NTSR1: variants seen among roughly 807,000 people sequenced by gnomAD.
The protein encoded by NTSR1 is neurotensin receptor type 1.
A neutral mutation model predicts 31.2 loss-of-function variants in NTSR1; 29 were observed. The ratio of observed to expected loss-of-function variants is 0.93; its 90% confidence interval spans 0.69 to 1.27. The LOEUF (loss-of-function observed/expected upper bound fraction) is 1.27. NTSR1 is among the 50% of genes most tolerant of loss of function. The pLI is 0.00. For missense variants in NTSR1, 697 were observed against 595.4 expected, an observed-to-expected ratio of 1.17 and a Z score of -1.78; for synonymous variants, 282 against 269.9, an observed-to-expected ratio of 1.04 and a Z score of -0.44.
chr20:62,716,390 C>T (rs142671672), intron 1 of NTSR1, among the ~76,000 whole-genome samples: 10 of 152,212 alleles, frequency 6.6e-5, no homozygotes, highest in East Asian at 1.9e-4. Flanking sequence ...AACGCTGAGC[C>T]GTTGGGACAG....
In NTSR1 at chr20:62,709,342, CG is replaced by C; in HGVS notation, c.136del (p.Val46SerfsTer11). On this transcript the variant is annotated frameshift_variant, in exon 1 of 4. Coordinates refer to ENST00000370501, the MANE Select transcript of NTSR1 (RefSeq NM_002531.3). LOFTEE classifies it high-confidence loss of function. Reference protein sequence around the residue: ...GNASGNASERVLAAPSSELDV... With the variant: ...GNASGNASERXLAAPSSELDV... Reference sequence around the variant, plus strand: ...ACGCTTCGGGCAACGCGTCGGAGCGCGTCCTGGCGGCACCCAGCAGCGAGCT... The same window carrying C: ...ACGCTTCGGGCAACGCGTCGGAGCGCTCCTGGCGGCACCCAGCAGCGAGCT... 6.2e-7 allele frequency: 1 copy of C among 1,609,708 alleles called. No individual in the cohort carries two copies. Among genetic ancestry groups the C allele is most frequent in the South Asian group, 1.1e-5 (1 of 90,866 alleles).
chr20:62,753,740 C>A (rs1989432281), intron 1 of NTSR1, among the ~76,000 whole-genome samples: 1 of 152,226 alleles, frequency 6.6e-6, no homozygotes, highest in South Asian at 2.1e-4. Flanking sequence ...TATTCCACTG[C>A]CCCAGGGAGG....
At chr20:62,730,211 A>G (rs943359735) in intron 1 of NTSR1, among the ~76,000 whole-genome samples, 5 of 152,106 alleles carry the variant, frequency 3.3e-5, no homozygotes, top group Non-Finnish European at 7.4e-5. Context: ...GATCCTGCAG[A>G]AGAGTTTCAT....
rs1988549553 is a variant in NTSR1, at chr20:62,709,435, G to A, written c.228G>A (p.Val76=). 2.5e-6 allele frequency: 4 copies of A among 1,612,180 alleles called. No homozygotes were observed. Among genetic ancestry groups the A allele is most frequent in the African/African-American group, 1.3e-5 (1 of 74,926 alleles). The change falls in exon 1 of 4, where the codon GTG becomes GTA. Residue 76 remains valine, a synonymous_variant. Coordinates refer to ENST00000370501, the MANE Select transcript of NTSR1 (RefSeq NM_002531.3). ...VTAVYLALFV[V]GTVGNTVTAF... is the part of the protein sequence containing the mutation. ...CCGTGTACCTGGCGCTCTTCGTGGT[G>A]GGCACGGTGGGCAACACGGTGACGG...
rs936506083 is a variant in NTSR1, at chr20:62,745,624, G to C, written c.715-9061G>C. On this transcript the variant is annotated intron_variant, in intron 1 of 3. Coordinates refer to ENST00000370501, the MANE Select transcript of NTSR1 (RefSeq NM_002531.3). This position sits in a 1 kb window ranked among gnomAD's most constrained non-coding sequence, Gnocchi z 4.1. ...GGAGACAGAGACACAGAAAAACACA[G>C]AGAAAAACACAGAGACATCACAGGA... Among the ~76,000 whole-genome samples, 5 of 124,450 alleles carry C rather than the reference G, an allele frequency of 4.0e-5. No homozygotes were observed. Among genetic ancestry groups the C allele is most frequent in the South Asian group, 4.6e-4 (2 of 4,344 alleles). The allele number at this position is 124,450 out of a possible 152,430, so 81.6% of individuals were successfully genotyped here.
intron 1 of NTSR1, among the ~76,000 whole-genome samples, chr20:62,727,345 G>A (rs552136000): frequency 1.3e-5 from 2 of 152,326 alleles, no homozygotes; most frequent in African/African-American, 2.4e-5. Flanking sequence ...GAAGTGGGGG[G>A]TCCCAGCAAG....
At chr20:62,756,417 G>C (rs1383459959) in intron 2 of NTSR1, among the ~76,000 whole-genome samples, 1 of 152,258 alleles carries the variant, frequency 6.6e-6, no homozygotes, top group Non-Finnish European at 1.5e-5. Context: ...GAACTGGAGA[G>C]AATGAAGCCC....
intron 2 of NTSR1, among the ~76,000 whole-genome samples, chr20:62,756,337 G>C (rs1253418482): frequency 6.6e-6 from 1 of 152,238 alleles, no homozygotes; most frequent in Admixed American, 6.5e-5. Context: ...GGTGGGAGGT[G>C]CTTGGCAAGA....
At chr20:62,750,778 G>A (rs1204097832) in intron 1 of NTSR1, among the ~76,000 whole-genome samples, 1 of 152,006 alleles carries the variant, frequency 6.6e-6, no homozygotes, top group Non-Finnish European at 1.5e-5. Flanking sequence ...CATAATCAAC[G>A]GGGGTAACTG....
chr20:62,743,685 A>C lies in NTSR1; in HGVS notation c.715-11000A>C, dbSNP rs528631326. On this transcript the variant is annotated intron_variant, in intron 1 of 3. Coordinates refer to ENST00000370501, the MANE Select transcript of NTSR1 (RefSeq NM_002531.3). The surrounding 1 kb of genome is among the most constrained non-coding windows in gnomAD (Gnocchi z 7.5). ...AGGGTTTTGCACCTTCCCACTCAGC[A>C]CAGGCTGGCTGCGGAGCCGGGAAGC... Among the ~76,000 whole-genome samples the C allele has an allele frequency of 2.6e-5, 4 of 151,690 alleles. No individual in the cohort carries two copies. Among genetic ancestry groups the C allele is most frequent in the African/African-American group, 9.7e-5 (4 of 41,428 alleles).
rs1568707667 is a variant in NTSR1 at position 62,745,390 on chromosome 20, GAGAT to G, written c.715-9291_715-9288del. On this transcript the variant is annotated intron_variant, in intron 1 of 3. Coordinates refer to ENST00000370501, the MANE Select transcript of NTSR1 (RefSeq NM_002531.3). This position sits in a 1 kb window ranked among gnomAD's most constrained non-coding sequence, Gnocchi z 4.1. The stretch of plus-strand genomic sequence containing the variant: ...ATAGAGACAGAGACACAGAGATATA[GAGAT>G]AGAGACACAGACTCAGGAAAACAGA... Among the ~76,000 whole-genome samples the G allele has an allele frequency of 6.6e-6, 1 of 151,858 alleles. No individual in the cohort carries two copies. The highest frequency in any genetic ancestry group is 6.6e-5 in the Admixed American group (1 of 15,254).
Position 62,760,796 on chromosome 20 carries a change from C to G in NTSR1, c.*529C>G, listed in dbSNP as rs1257311297. On this transcript the variant is annotated 3_prime_UTR_variant, in exon 4 of 4. Transcript: ENST00000370501. ...CATGCAGACCCATGCCCCCCTCCCCCAGGCAGCTCCAAGAAAGCTCCCTGA... is the reference window on the plus strand; with the variant it reads ...CATGCAGACCCATGCCCCCCTCCCCGAGGCAGCTCCAAGAAAGCTCCCTGA... 1 of 153,136 alleles carries G rather than the reference C, an allele frequency of 6.5e-6. No individual in the cohort carries two copies. Among genetic ancestry groups the G allele is most frequent in the Non-Finnish European group, 1.5e-5 (1 of 68,698 alleles). The allele number at this position is 153,136 out of a possible 1,614,324, so 9.5% of individuals were successfully genotyped here.
chr20:62,711,598 C>T lies in NTSR1; in HGVS notation c.714+1677C>T, dbSNP rs1027125881. ...CCCCCGCTCAGATCCCCGATCCCCC[C>T]GCTCAGAACCCCGATCCCCCTGCTC... On this transcript the variant is annotated intron_variant, in intron 1 of 3. Coordinates refer to ENST00000370501, the MANE Select transcript of NTSR1 (RefSeq NM_002531.3). This position sits in a 1 kb window ranked among gnomAD's most constrained non-coding sequence, Gnocchi z 6.4. 2.0e-5 allele frequency among the ~76,000 whole-genome samples: 3 copies of T among 149,784 alleles called. No homozygotes were observed. Among genetic ancestry groups the T allele is most frequent in the African/African-American group, 4.9e-5 (2 of 40,616 alleles).
intron 1 of NTSR1, among the ~76,000 whole-genome samples, chr20:62,720,323 T>C (rs1328750334): frequency 6.6e-6 from 1 of 152,226 alleles, no homozygotes; most frequent in African/African-American, 2.4e-5. Context: ...TTTTAAAAGA[T>C]AAAGGAATAT....
intron 1 of NTSR1, among the ~76,000 whole-genome samples, chr20:62,753,998 C>G (rs781620478): frequency 6.6e-6 from 1 of 152,202 alleles, no homozygotes; most frequent in Non-Finnish European, 1.5e-5. Context: ...GCCCCCCTTG[C>G]GCTGGAGTCT....
intron 1 of NTSR1, among the ~76,000 whole-genome samples, chr20:62,710,497 CA>C (rs1230586857): frequency 7.9e-5 from 12 of 152,186 alleles, no homozygotes; most frequent in Admixed American, 5.2e-4. Context: ...GAAGTGTTTG[CA>C]TGGCCCCTGA....
chr20:62,719,166 A>G (rs1039188705), intron 1 of NTSR1, among the ~76,000 whole-genome samples: 1 of 149,914 alleles, frequency 6.7e-6, no homozygotes, highest in African/African-American at 2.5e-5. Flanking sequence ...TTTTTGTTAG[A>G]GCTCTTTATA....
chr20:62,709,381 C>T lies in NTSR1; in HGVS notation c.174C>T (p.Thr58=), dbSNP rs764863585. ...AAPSSELDVN[T]DIYSKVLVTA... ...CCAGCAGCGAGCTGGACGTGAACAC[C>T]GACATCTACTCCAAGGTGCTGGTGA... The change falls in exon 1 of 4, where the codon ACC becomes ACT. Residue 58 remains threonine (T), a synonymous_variant. Coordinates refer to ENST00000370501, the MANE Select transcript of NTSR1 (RefSeq NM_002531.3). 14 of 1,608,816 alleles carry T rather than the reference C, an allele frequency of 8.7e-6. No individual in the cohort carries two copies. The highest frequency in any genetic ancestry group is 3.3e-5 in the Admixed American group (2 of 59,862).
chr20:62,713,717 G>A (rs980025843), intron 1 of NTSR1, among the ~76,000 whole-genome samples: 4 of 152,230 alleles, frequency 2.6e-5, no homozygotes, highest in East Asian at 1.9e-4. Flanking sequence ...CGGGTCATGC[G>A]GCATTGGGCT....
Sources: allele counts gnomAD v4.1 joint callset (sites outside exome capture counted in the v4.1 genomes callset), GRCh38; gene constraint gnomAD v4.1.1; non-coding constraint Gnocchi (gnomAD v3.1); transcripts MANE v1.5; gene names NCBI Gene and HGNC (gene_info 2026-07-23, HGNC 2026-07-21).